Variants in SEC62 observed in about 807,000 individuals in gnomAD.
SEC62 encodes translocation protein SEC62.
Under a neutral mutation model 47.5 loss-of-function variants are expected in SEC62, and 10 were observed. That is an observed-to-expected ratio of 0.21 (90% confidence interval 0.13 to 0.36). The LOEUF (loss-of-function observed/expected upper bound fraction) is 0.36, where lower values mean the gene tolerates loss of function less well. SEC62 is among the 10% of genes least tolerant of loss of function. SEC62 has a pLI of 1.00. For synonymous variants in SEC62, 136 were observed against 150.5 expected (o/e 0.90, Z 0.71); for missense variants, 327 against 464.1 (o/e 0.70, Z 2.71).
At chr3:169,976,855 A>C (rs1257798178) in intron 2 of SEC62, 91 bp from the exon 3 acceptor site, 1 of 796,452 alleles carries the variant, frequency 1.3e-6, no homozygotes, top group Non-Finnish European at 1.9e-6. Context: ...TTTTGTTGCC[A>C]GAGTGTTGAA....
intron 6 of SEC62, 145 bp from the exon 7 acceptor site, chr3:169,988,095 C>A (rs953972607): frequency 2.1e-5 from 16 of 755,234 alleles, no homozygotes; most frequent in Non-Finnish European, 3.4e-5. Flanking sequence ...CATAATTGAC[C>A]ATTTTTTACC....
At chr3:169,973,455 A>C (rs1056292698) in intron 1 of SEC62, among the ~76,000 whole-genome samples, 2 of 152,130 alleles carry the variant, frequency 1.3e-5, no homozygotes, top group African/African-American at 4.8e-5. Flanking sequence ...TGAGGTCAGG[A>C]ATTCGAGACC....
rs193117623 is a variant in SEC62, at chr3:169,996,056, C to T, written c.*2993C>T. ...CCATGGCATTAGCGTAAAAAGGACA[C>T]GTTTATAGTATGAAAGCTGGAACAT... On this transcript the variant is annotated 3_prime_UTR_variant, in exon 8 of 8. Transcript: ENST00000337002. The T allele has an allele frequency of 3.3e-5, 5 of 152,188 alleles. No homozygotes were observed. The highest frequency in any genetic ancestry group is 9.6e-5 in the African/African-American group (4 of 41,534). 9.4% of individuals were successfully genotyped at this position (152,188 alleles called of 1,614,324 possible).
chr3:169,967,181 G>A (rs1304124423), intron 1 of SEC62, among the ~76,000 whole-genome samples: 1 of 152,208 alleles, frequency 6.6e-6, no homozygotes, highest in Non-Finnish European at 1.5e-5. Context: ...GAGCTGGAAG[G>A]TCAGCCTCCC....
At chr3:169,974,902 G>T (rs1489893822) in intron 1 of SEC62, among the ~76,000 whole-genome samples, 2 of 152,100 alleles carry the variant, frequency 1.3e-5, no homozygotes, top group Non-Finnish European at 2.9e-5. Context: ...ATTTATTTAT[G>T]ACACTTGTTT....
intron 3 of SEC62, among the ~76,000 whole-genome samples, chr3:169,982,045 G>A (rs1338645650): frequency 2.0e-5 from 3 of 152,164 alleles, no homozygotes; most frequent in Admixed American, 1.3e-4. Context: ...GATAAAAAGA[G>A]AGAAAACAAT....
intron 1 of SEC62, among the ~76,000 whole-genome samples, chr3:169,967,452 T>C (rs978782771): frequency 4.6e-5 from 7 of 152,204 alleles, no homozygotes; most frequent in African/African-American, 1.7e-4. Flanking sequence ...TATTATTAAC[T>C]TAATAGTCCA....
intron 1 of SEC62, among the ~76,000 whole-genome samples, chr3:169,967,283 A>AT (rs373657368): frequency 9.9e-5 from 15 of 152,258 alleles, no homozygotes; most frequent in Middle Eastern, 3.4e-3. Context: ...GGCCACGGTA[A>AT]TAGGGGTAGC....
At chr3:169,967,405 C>G (rs1223330749) in intron 1 of SEC62, among the ~76,000 whole-genome samples, 1 of 152,190 alleles carries the variant, frequency 6.6e-6, no homozygotes, top group Non-Finnish European at 1.5e-5. Context: ...ATCTGCTCAT[C>G]CAGATGTTCA....
intron 1 of SEC62, among the ~76,000 whole-genome samples, chr3:169,968,062 G>C (rs574144823): frequency 6.6e-6 from 1 of 152,258 alleles, no homozygotes; most frequent in South Asian, 2.1e-4. Context: ...AAGGGAATTA[G>C]AAAGAGGCAG....
chr3:169,967,208 G>A (rs1426077944), intron 1 of SEC62, among the ~76,000 whole-genome samples: 1 of 152,222 alleles, frequency 6.6e-6, no homozygotes, highest in Non-Finnish European at 1.5e-5. Context: ...CGCAGACGCT[G>A]ACCCTTCCCG....
Position 169,969,070 on chromosome 3 carries a change from CA to C in SEC62, c.36+2218del, listed in dbSNP as rs1316315965. 2.0e-5 allele frequency among the ~76,000 whole-genome samples: 3 copies of C among 152,088 alleles called. No homozygotes were observed. The East Asian group carries it at 5.8e-4, about 29-fold the overall frequency. ...AATGAAAAGTTCAGAGTTTAACTTA[CA>C]AAAAAGATCCTGTTGTAGAATTTTT... On this transcript the variant is annotated intron_variant, in intron 1 of 7. Coordinates refer to ENST00000337002, the MANE Select transcript of SEC62 (RefSeq NM_003262.4).
chr3:169,980,411 G>A (rs1172018633), intron 3 of SEC62, among the ~76,000 whole-genome samples: 3 of 151,698 alleles, frequency 2.0e-5, no homozygotes, highest in Non-Finnish European at 4.4e-5. Flanking sequence ...CCAAACAAAC[G>A]GAGGCTCTGA....
intron 7 of SEC62, among the ~76,000 whole-genome samples, chr3:169,989,852 C>G (rs755522410): frequency 6.6e-6 from 1 of 151,220 alleles, no homozygotes; most frequent in Non-Finnish European, 1.5e-5. Context: ...TATTTTGATT[C>G]TCTTAGAAAA....
chr3:169,977,187 T>C (rs1266915752), intron 3 of SEC62, 136 bp downstream of exon 3: 1 of 497,266 alleles, frequency 2.0e-6, no homozygotes, highest in African/African-American at 1.9e-5. Flanking sequence ...CCTGATTTCT[T>C]TGGTACCTCT....
chr3:169,979,293 G>C (rs546830039), intron 3 of SEC62, among the ~76,000 whole-genome samples: 2 of 152,208 alleles, frequency 1.3e-5, no homozygotes, highest in African/African-American at 2.4e-5. Context: ...AATCACAAAG[G>C]GTCTCTTGAC....
intron 1 of SEC62, chr3:169,968,374 A>T (rs906048071): frequency 6.6e-6 from 1 of 152,126 alleles, no homozygotes. Flanking sequence ...TTGTGATCTT[A>T]TATTAAACAG....
At chr3:169,968,099 G>T (rs1180769828) in intron 1 of SEC62, among the ~76,000 whole-genome samples, 2 of 152,046 alleles carry the variant, frequency 1.3e-5, no homozygotes, top group Non-Finnish European at 2.9e-5. Flanking sequence ...GATAAGACTA[G>T]GTCTTAAGAT....
At chr3:169,972,936 C>T (rs899588294) in intron 1 of SEC62, among the ~76,000 whole-genome samples, 1 of 152,116 alleles carries the variant, frequency 6.6e-6, no homozygotes, top group Non-Finnish European at 1.5e-5. Context: ...AATTTTTAAT[C>T]AAGCACCTCC....
Sources: allele counts gnomAD v4.1 joint callset (sites outside exome capture counted in the v4.1 genomes callset), GRCh38; gene constraint gnomAD v4.1.1; transcripts MANE v1.5; gene names NCBI Gene and HGNC (gene_info 2026-07-23, HGNC 2026-07-21).